The following GDPD4 variants were observed in gnomAD, a reference collection of about 807,000 sequenced individuals.
GDPD4 encodes glycerophosphodiester phosphodiesterase domain containing 4, also known as glycerophosphodiester phosphodiesterase 6.
Under a neutral mutation model 67.8 loss-of-function variants are expected in GDPD4, and 60 were observed. The observed-to-expected ratio is 0.88, with a 90% CI of 0.72 to 1.10. The LOEUF is 1.10. GDPD4 is among the 50% of genes least tolerant of loss of function. The probability of loss-of-function intolerance (pLI) is 0.00; values close to 1 mark genes in which losing one functional copy is unlikely to be tolerated. For missense variants in GDPD4, 623 were observed against 613.9 expected (o/e 1.01, Z -0.16); for synonymous variants, 212 against 210.9 (o/e 1.00, Z -0.04).
intron 1 of GDPD4, among the ~76,000 whole-genome samples, chr11:77,292,810 T>G (rs1296977763): frequency 6.6e-6 from 1 of 152,054 alleles, no homozygotes; most frequent in Non-Finnish European, 1.5e-5. Flanking sequence ...AATAAAGAAT[T>G]TGGTACAACT....
chr11:77,245,652 G>C, intron 11 of GDPD4, 150 bp from the exon 12 acceptor site: 2 of 615,452 alleles, frequency 3.2e-6, no homozygotes, highest in East Asian at 2.7e-5. Context: ...GTGACAAGGA[G>C]AGAAATAAAA....
At chr11:77,241,363 G>T (rs1011244780) in intron 13 of GDPD4, among the ~76,000 whole-genome samples, 1 of 152,162 alleles carries the variant, frequency 6.6e-6, no homozygotes, top group East Asian at 1.9e-4. Flanking sequence ...TCCCTTACGT[G>T]TGGACTCTAA....
intron 11 of GDPD4, 26 bp from the exon 12 acceptor site, chr11:77,245,528 C>T: frequency 3.3e-6 from 5 of 1,530,022 alleles, no homozygotes; most frequent in East Asian, 4.5e-5. Flanking sequence ...TCAAAAAATA[C>T]ATAAAAGCAC....
chr11:77,278,906 AT>A (rs1392268339), intron 4 of GDPD4, among the ~76,000 whole-genome samples: 3 of 152,172 alleles, frequency 2.0e-5, no homozygotes, highest in Non-Finnish European at 4.4e-5. Context: ...AAGTAAGCAA[AT>A]TTTTTTAAGA....
chr11:77,243,980 C>G, intron 12 of GDPD4, 132 bp from the exon 13 acceptor site: 1 of 632,826 alleles, frequency 1.6e-6, no homozygotes, highest in South Asian at 2.1e-5. Flanking sequence ...AGAGTCTAGT[C>G]CTTGGTGAAA....
At chr11:77,277,353 C>T (rs1959519681) in intron 4 of GDPD4, among the ~76,000 whole-genome samples, 1 of 147,398 alleles carries the variant, frequency 6.8e-6, no homozygotes, top group South Asian at 2.1e-4. Flanking sequence ...CTTTCCAGGC[C>T]TTCCAAAATC....
intron 13 of GDPD4, among the ~76,000 whole-genome samples, chr11:77,241,136 A>G (rs1418720739): frequency 1.3e-5 from 2 of 152,232 alleles, no homozygotes; most frequent in African/African-American, 4.8e-5. Flanking sequence ...TCCCATGTTC[A>G]TTGCAACACT....
chr11:77,274,983 G>A (rs888498534), intron 5 of GDPD4, among the ~76,000 whole-genome samples: 2 of 152,110 alleles, frequency 1.3e-5, no homozygotes, highest in African/African-American at 4.8e-5. Flanking sequence ...AGTACAGTAA[G>A]GTGACTACAG....
intron 13 of GDPD4, among the ~76,000 whole-genome samples, chr11:77,236,972 G>A (rs949251143): frequency 5.3e-5 from 8 of 152,146 alleles, no homozygotes; most frequent in African/African-American, 1.7e-4. Context: ...ACCAGGAAGA[G>A]TAGCCTTATA....
At chr11:77,256,424 C>T (rs537306328) in intron 11 of GDPD4, among the ~76,000 whole-genome samples, 2 of 152,296 alleles carry the variant, frequency 1.3e-5, no homozygotes, top group South Asian at 4.1e-4. Context: ...CATGGATAGA[C>T]TATGTACTCC....
At chr11:77,281,659 T>C (rs1422336284) in intron 3 of GDPD4, among the ~76,000 whole-genome samples, 1 of 152,164 alleles carries the variant, frequency 6.6e-6, no homozygotes, top group Non-Finnish European at 1.5e-5. Context: ...TCTTGTAAAC[T>C]TCACAGGGCT....
intron 5 of GDPD4, among the ~76,000 whole-genome samples, chr11:77,275,634 C>T (rs1158814391): frequency 1.3e-5 from 2 of 152,272 alleles, no homozygotes; most frequent in African/African-American, 4.8e-5. Flanking sequence ...GCTCGTTTCT[C>T]CATCTCCTCT....
At chr11:77,284,416 G>T (rs1959900357) in intron 3 of GDPD4, among the ~76,000 whole-genome samples, 1 of 152,052 alleles carries the variant, frequency 6.6e-6, no homozygotes, top group East Asian at 1.9e-4. Flanking sequence ...CTAACTTTTT[G>T]CATTTTACAC....
intron 1 of GDPD4, among the ~76,000 whole-genome samples, chr11:77,287,911 TG>T: frequency 6.6e-6 from 1 of 152,342 alleles, no homozygotes; most frequent in South Asian, 2.1e-4. Flanking sequence ...TTATGAATGA[TG>T]GAATCTTCAA....
intron 1 of GDPD4, among the ~76,000 whole-genome samples, chr11:77,291,221 G>A (rs1224305013): frequency 6.6e-6 from 1 of 152,190 alleles, no homozygotes; most frequent in African/African-American, 2.4e-5. Flanking sequence ...ATTTGCAGCA[G>A]TATGGATGGT....
At chr11:77,279,121 G>A (rs118166754) in intron 4 of GDPD4, among the ~76,000 whole-genome samples, 185 bp downstream of exon 4, 2,335 of 152,258 alleles carry the variant, frequency 0.015, 29 homozygotes, top group Non-Finnish European at 0.026. Flanking sequence ...TTCCTTCCAC[G>A]TCCTTCCACG....
rs1958405850 is a variant in GDPD4 at position 77,229,183 on chromosome 11, A to G, written c.1439T>C (p.Val480Ala). 6 of 1,608,058 alleles carry G rather than the reference A, an allele frequency of 3.7e-6. No individual in the cohort carries two copies. The highest frequency in any genetic ancestry group is 1.7e-4 in the Middle Eastern group (1 of 5,958). ...FMWLLADIIS[V>A]LFIVAIFCFH... Reference sequence around the variant, plus strand: ...ACAAAATATGGCAACAATAAAAAGCACAGAAATGATATCTGCAAGGAGCCA... The same window carrying G: ...ACAAAATATGGCAACAATAAAAAGCGCAGAAATGATATCTGCAAGGAGCCA... The change falls in exon 15 of 17, where the codon GTG becomes GCG. Residue 480 changes from valine (V) to alanine (A), a missense_variant. Coordinates refer to ENST00000315938, the MANE Select transcript of GDPD4 (RefSeq NM_182833.3).
In GDPD4 at chr11:77,271,157, A is replaced by G; in HGVS notation, c.373T>C (p.Phe125Leu). ...VMVILFWPVA[F>L]YVACLEREVR... ...TCTCTTTCCAAACATGCCACGTAGA[A>G]GGCCACAGGCCAGAAAAGGATAACC... Residue 125 changes from phenylalanine (F) to leucine (L), a missense_variant, in exon 7 of 17, where the codon TTC (phenylalanine) becomes CTC (leucine). Phe to Leu is a conservative substitution (Grantham distance 22). Coordinates refer to ENST00000315938, the MANE Select transcript of GDPD4 (RefSeq NM_182833.3). The G allele has an allele frequency of 6.2e-7, 1 of 1,612,058 alleles. No individual in the cohort carries two copies. Among genetic ancestry groups the G allele is most frequent in the Non-Finnish European group, 8.5e-7 (1 of 1,178,998 alleles).
intron 1 of GDPD4, among the ~76,000 whole-genome samples, chr11:77,288,652 A>C (rs535567108): frequency 6.6e-6 from 1 of 152,352 alleles, no homozygotes; most frequent in Admixed American, 6.5e-5. Flanking sequence ...CTACAAGAAA[A>C]AAAAATCTTC....
Sources: gnomAD v4.1 joint callset for allele counts (sites outside exome capture counted in the v4.1 genomes callset) on GRCh38, gnomAD v4.1.1 for gene constraint, MANE v1.5 for transcripts, NCBI Gene and HGNC (gene_info 2026-07-23, HGNC 2026-07-21) for gene names.